Variants in NCOA3 observed in about 807,000 individuals in gnomAD.
NCOA3 encodes the protein nuclear receptor coactivator 3.
In NCOA3, 51 loss-of-function variants were observed where a neutral mutation model predicts 158.8. That is an observed-to-expected ratio of 0.32 (90% CI 0.26 to 0.41). The LOEUF is 0.41. Among genes scored for constraint, NCOA3 ranks in the 10% least tolerant of loss-of-function variants. NCOA3 has a pLI of 1.00. For synonymous variants in NCOA3, 537 were observed against 592.4 expected (o/e 0.91, Z 1.36); for missense variants, 1,510 against 1,746.6 (o/e 0.86, Z 2.41).
intron 2 of NCOA3, among the ~76,000 whole-genome samples, chr20:47,600,171 T>TA (rs374515592): frequency 0.11 from 14,960 of 141,850 alleles, 948 homozygotes; most frequent in African/African-American, 0.19. Flanking sequence ...TATATATATA[T>TA]TTTTTTATTT....
chr20:47,600,604 C>T (rs1322616767), intron 2 of NCOA3, among the ~76,000 whole-genome samples: 4 of 148,470 alleles, frequency 2.7e-5, no homozygotes, highest in African/African-American at 1.0e-4. Flanking sequence ...CTTCAGCCTC[C>T]GCCTTCCAAG....
At chr20:47,525,037 A>G (rs897660939) in intron 1 of NCOA3, among the ~76,000 whole-genome samples, 8 of 149,366 alleles carry the variant, frequency 5.4e-5, no homozygotes, top group Middle Eastern at 3.4e-3. Flanking sequence ...CAGATAAACA[A>G]GTGAACAAAG....
chr20:47,628,873 A>G (rs781037675), intron 8 of NCOA3: 1 of 152,208 alleles, frequency 6.6e-6, no homozygotes, highest in Non-Finnish European at 1.5e-5. Context: ...TCTTATGGTC[A>G]CCTAAGTGTA....
chr20:47,513,949 A>T (rs2146061411), intron 1 of NCOA3, among the ~76,000 whole-genome samples: 1 of 152,232 alleles, frequency 6.6e-6, no homozygotes, highest in South Asian at 2.1e-4. Context: ...CGAAATGCTT[A>T]AACTTAAAAA....
At chr20:47,606,551 C>G (rs1245212078) in intron 2 of NCOA3, among the ~76,000 whole-genome samples, 2 of 152,192 alleles carry the variant, frequency 1.3e-5, no homozygotes, top group East Asian at 3.9e-4. Context: ...GGCCCTCATT[C>G]CCTTTTTTCC....
At chr20:47,535,733 C>T (rs1290840382) in intron 1 of NCOA3, among the ~76,000 whole-genome samples, 2 of 152,022 alleles carry the variant, frequency 1.3e-5, no homozygotes, top group Non-Finnish European at 2.9e-5. Context: ...GTCTTGATCT[C>T]CTGACCTTGT....
chr20:47,652,819 A>T (rs1042967485), intron 21 of NCOA3, 112 bp from the exon 22 acceptor site: 9 of 1,299,408 alleles, frequency 6.9e-6, no homozygotes, highest in Non-Finnish European at 9.8e-6. Context: ...TTTCTCTAAC[A>T]TTCCCAGCTT....
chr20:47,516,153 G>A (rs559039250), intron 1 of NCOA3, among the ~76,000 whole-genome samples: 11 of 152,216 alleles, frequency 7.2e-5, no homozygotes, highest in East Asian at 3.9e-4. Flanking sequence ...TAAAATGCAC[G>A]ATACCAGGAG....
chr20:47,530,144 C>T (rs1036616310), intron 1 of NCOA3, among the ~76,000 whole-genome samples: 1 of 152,222 alleles, frequency 6.6e-6, no homozygotes, highest in Non-Finnish European at 1.5e-5. Context: ...TGTTTCATCT[C>T]TGCCTGAATA....
chr20:47,574,867 G>C (rs965337443), intron 1 of NCOA3, among the ~76,000 whole-genome samples: 4 of 152,182 alleles, frequency 2.6e-5, no homozygotes, highest in Non-Finnish European at 4.4e-5. Flanking sequence ...ATAGTATTAT[G>C]TAAAATGTTC....
intron 2 of NCOA3, among the ~76,000 whole-genome samples, chr20:47,612,282 A>C (rs1229568493): frequency 2.0e-5 from 3 of 152,256 alleles, no homozygotes; most frequent in Non-Finnish European, 2.9e-5. Context: ...ATTTGTAAAA[A>C]ATAGAGTTAC....
In NCOA3 at chr20:47,635,882, C is replaced by A; in HGVS notation, c.1505-9C>A. ...CTAATTCTTTTCCTAAATTTTTTTT[C>A]AAATTCAGGTGTGCACTCTCCCATG... On this transcript the variant is annotated splice_polypyrimidine_tract_variant and intron_variant, in intron 11 of 22. Transcript: ENST00000371998. 1.3e-6 allele frequency: 2 copies of A among 1,570,070 alleles called. No homozygotes were observed. The highest frequency in any genetic ancestry group is 1.4e-5 in the African/African-American group (1 of 72,256).
intron 1 of NCOA3, among the ~76,000 whole-genome samples, chr20:47,515,731 C>T (rs1302634328): frequency 6.6e-6 from 1 of 152,134 alleles, no homozygotes; most frequent in East Asian, 1.9e-4. Context: ...CCGCCCACCT[C>T]AGCTTCCCAA....
At position 47,642,231 on chromosome 20, in the gene NCOA3, C is replaced by T. The variant is rs1425340022; in HGVS notation, c.3099C>T (p.Ser1033=). ...TTTCTAGGCCTCTTCTTAGGAATTC[C>T]CTGGATGATCTTGTTGGGCCACCTT... is the stretch of plus-strand genomic sequence containing the variant. The part of the protein sequence containing the change: ...GTQNRPLLRN[S]LDDLVGPPSN... The change falls in exon 17 of 23, where the codon TCC becomes TCT. Residue 1033 remains serine, a synonymous_variant. Coordinates refer to ENST00000371998, the MANE Select transcript of NCOA3 (RefSeq NM_181659.3). 4 of 1,593,416 alleles carry T rather than the reference C, an allele frequency of 2.5e-6. No homozygotes were observed. Among genetic ancestry groups the T allele is most frequent in the Non-Finnish European group, 3.4e-6 (4 of 1,173,646 alleles).
intron 1 of NCOA3, among the ~76,000 whole-genome samples, chr20:47,521,843 T>TC (rs1568650955): frequency 1.3e-5 from 2 of 152,186 alleles, no homozygotes; most frequent in Non-Finnish European, 2.9e-5. Context: ...TTCTTCTAAC[T>TC]TTATTCCTTT....
At chr20:47,542,425 A>G (rs748661785) in intron 1 of NCOA3, among the ~76,000 whole-genome samples, 1 of 151,776 alleles carries the variant, frequency 6.6e-6, no homozygotes, top group Non-Finnish European at 1.5e-5. Flanking sequence ...CTCTCTCTCT[A>G]TTTTTAAAAT....
chr20:47,545,758 A>G (rs1255593002), intron 1 of NCOA3, among the ~76,000 whole-genome samples: 2 of 151,876 alleles, frequency 1.3e-5, no homozygotes, highest in African/African-American at 4.8e-5. Flanking sequence ...TCTGTCGCCT[A>G]GGCTGAAGTG....
intron 1 of NCOA3, among the ~76,000 whole-genome samples, chr20:47,558,436 C>T (rs1211068942): frequency 6.6e-6 from 1 of 151,686 alleles, no homozygotes; most frequent in Non-Finnish European, 1.5e-5. Context: ...CCCTAGTGAC[C>T]TCATTTTGAA....
intron 1 of NCOA3, among the ~76,000 whole-genome samples, chr20:47,503,240 A>T (rs1390748119): frequency 1.3e-5 from 2 of 152,238 alleles, no homozygotes; most frequent in South Asian, 4.1e-4. Flanking sequence ...TTGTTGCAGC[A>T]GGTTGTTGAG....
Sources: allele counts gnomAD v4.1 joint callset (sites outside exome capture counted in the v4.1 genomes callset), GRCh38; gene constraint gnomAD v4.1.1; transcripts MANE v1.5; gene names NCBI Gene and HGNC (gene_info 2026-07-23, HGNC 2026-07-21).